LHFPL2: variants seen among roughly 807,000 people sequenced by gnomAD.
LHFPL2 encodes LHFPL tetraspan subfamily member 2.
In LHFPL2, 7 loss-of-function variants were observed where a neutral mutation model predicts 17.5. The observed-to-expected ratio is 0.40, with a 90% confidence interval of 0.23 to 0.75. The LOEUF (loss-of-function observed/expected upper bound fraction) is 0.75. Among genes scored for constraint, LHFPL2 ranks in the 30% least tolerant of loss-of-function variants. The probability of loss-of-function intolerance (pLI) is 0.37; values close to 1 mark genes in which losing one functional copy is unlikely to be tolerated. For synonymous variants in LHFPL2, 134 were observed against 116.2 expected, an observed-to-expected ratio of 1.15 and a Z score of -0.99; for missense variants, 241 against 294.8, an observed-to-expected ratio of 0.82 and a Z score of 1.34.
At chr5:78,581,413 A>G (rs1258591556) in intron 2 of LHFPL2, among the ~76,000 whole-genome samples, 1 of 152,162 alleles carries the variant, frequency 6.6e-6, no homozygotes. Flanking sequence ...ATTCAGTATG[A>G]TATTGGCTGT....
At chr5:78,645,549 C>T (rs72762907) in intron 1 of LHFPL2, among the ~76,000 whole-genome samples, 504 of 17,904 alleles carry the variant, frequency 0.028, 2 homozygotes, top group South Asian at 0.049. Context: ...TGCATACACA[C>T]ACACACACAC....
At chr5:78,566,412 T>C (rs72760989) in intron 2 of LHFPL2, among the ~76,000 whole-genome samples, 4,552 of 152,246 alleles carry the variant, frequency 0.03, 191 homozygotes, top group Admixed American at 0.11. Context: ...AATAAAAATA[T>C]ACAAAAGAAT....
At chr5:78,546,999 G>A (rs1194200546) in intron 3 of LHFPL2, among the ~76,000 whole-genome samples, 1 of 150,210 alleles carries the variant, frequency 6.7e-6, no homozygotes, top group Non-Finnish European at 1.5e-5. Flanking sequence ...ACAGATGAAA[G>A]CAGAACTGTA....
intron 3 of LHFPL2, among the ~76,000 whole-genome samples, chr5:78,555,210 T>C (rs1289014362): frequency 1.3e-5 from 2 of 152,240 alleles, no homozygotes; most frequent in African/African-American, 2.4e-5. Flanking sequence ...ATGAATACTA[T>C]ACATTAGACA....
chr5:78,571,101 A>G (rs1326265007), intron 2 of LHFPL2, among the ~76,000 whole-genome samples: 1 of 152,124 alleles, frequency 6.6e-6, no homozygotes, highest in Non-Finnish European at 1.5e-5. Context: ...TCCTTTTCCA[A>G]AGGCAGCACT....
intron 2 of LHFPL2, among the ~76,000 whole-genome samples, chr5:78,580,923 C>T (rs1348875657): frequency 5.3e-5 from 8 of 152,008 alleles, no homozygotes; most frequent in East Asian, 3.9e-4. Flanking sequence ...ATTGAATCTA[C>T]AAATTACCTT....
chr5:78,530,422 A>G (rs191938802), intron 3 of LHFPL2, among the ~76,000 whole-genome samples: 2 of 152,346 alleles, frequency 1.3e-5, no homozygotes, highest in Non-Finnish European at 1.5e-5. Flanking sequence ...TGAACCATAA[A>G]CAGTCATCCC....
chr5:78,492,353 G>C (rs1754473930), intron 4 of LHFPL2, among the ~76,000 whole-genome samples: 1 of 152,234 alleles, frequency 6.6e-6, no homozygotes, highest in Admixed American at 6.5e-5. Context: ...AGGGACAGAA[G>C]ACAAAGCATG....
At chr5:78,640,360 C>T (rs550215089) in intron 1 of LHFPL2, among the ~76,000 whole-genome samples, 9 of 152,310 alleles carry the variant, frequency 5.9e-5, no homozygotes, top group African/African-American at 1.9e-4. Context: ...GTGGGGTCTT[C>T]CCTATCATTC....
chr5:78,584,652 C>A (rs1743296806), intron 2 of LHFPL2, among the ~76,000 whole-genome samples: 1 of 152,328 alleles, frequency 6.6e-6, no homozygotes, highest in East Asian at 1.9e-4. Flanking sequence ...CTCAGATCTC[C>A]AGCTGCATGC....
At chr5:78,610,268 C>T (rs1225462939) in intron 2 of LHFPL2, among the ~76,000 whole-genome samples, 3 of 152,182 alleles carry the variant, frequency 2.0e-5, no homozygotes, top group East Asian at 1.9e-4. Context: ...ATTCAGGAAC[C>T]GCCAGCTGGA....
At chr5:78,609,199 C>A (rs1251260231) in intron 2 of LHFPL2, among the ~76,000 whole-genome samples, 1 of 152,050 alleles carries the variant, frequency 6.6e-6, no homozygotes. Context: ...TACAGTGGTT[C>A]ATGCCTATAA....
At position 78,648,295 on chromosome 5, in the gene LHFPL2, C is replaced by G. The variant is rs1745961987; in HGVS notation, c.-350+204G>C. ...CTGTTCCCTTCCCATTCCCAGCACC[C>G]AACGCCCATCCCGCAGCACCTCCGA... On this transcript the variant is annotated intron_variant, in intron 1 of 4. Transcript: ENST00000380345. The surrounding 1 kb of genome is among the most constrained non-coding windows in gnomAD (Gnocchi z 5.4). Among the ~76,000 whole-genome samples the G allele has an allele frequency of 6.6e-6, 1 of 152,074 alleles. No homozygotes were observed. The highest frequency in any genetic ancestry group is 1.9e-4 in the East Asian group (1 of 5,186).
intron 3 of LHFPL2, among the ~76,000 whole-genome samples, chr5:78,541,580 G>C (rs1244804617): frequency 1.3e-5 from 2 of 152,188 alleles, no homozygotes; most frequent in Admixed American, 1.3e-4. Context: ...AAGATTTTGG[G>C]GAAGGAGGTG....
intron 3 of LHFPL2, among the ~76,000 whole-genome samples, chr5:78,558,819 C>T (rs1756650925): frequency 6.6e-6 from 1 of 152,244 alleles, no homozygotes; most frequent in Non-Finnish European, 1.5e-5. Flanking sequence ...ATGCATTCTT[C>T]TTAAACCTCC....
chr5:78,511,050 T>G (rs1436901772), intron 3 of LHFPL2, among the ~76,000 whole-genome samples: 1 of 152,148 alleles, frequency 6.6e-6, no homozygotes, highest in Non-Finnish European at 1.5e-5. Context: ...CTTTATCCAT[T>G]TTTCACAGGG....
At chr5:78,638,538 C>T (rs1033414753) in intron 1 of LHFPL2, among the ~76,000 whole-genome samples, 1 of 152,148 alleles carries the variant, frequency 6.6e-6, no homozygotes. Context: ...GGAATGCTGG[C>T]TCTTTGGTTC....
intron 4 of LHFPL2, among the ~76,000 whole-genome samples, chr5:78,502,610 G>A (rs1053138776): frequency 3.8e-4 from 58 of 152,278 alleles, no homozygotes; most frequent in African/African-American, 1.3e-3. Context: ...GCTCCTGCTC[G>A]ACTATAACCA....
chr5:78,592,301 C>T (rs2112461718), intron 2 of LHFPL2, among the ~76,000 whole-genome samples: 1 of 152,274 alleles, frequency 6.6e-6, no homozygotes, highest in Admixed American at 6.5e-5. Context: ...GGATGGATGC[C>T]TCAGATTTCA....
Sources: allele counts gnomAD v4.1 joint callset (sites outside exome capture counted in the v4.1 genomes callset), GRCh38; gene constraint gnomAD v4.1.1; non-coding constraint Gnocchi (gnomAD v3.1); transcripts MANE v1.5; gene names NCBI Gene and HGNC (gene_info 2026-07-23, HGNC 2026-07-21).